RABEP1: variants seen among roughly 807,000 people sequenced by gnomAD.
RABEP1 encodes rab GTPase-binding effector protein 1.
RABEP1 carries 51 observed loss-of-function variants against 123.4 expected under a neutral mutation model. The ratio of observed to expected loss-of-function variants is 0.41; its 90% CI spans 0.33 to 0.52. RABEP1 has a LOEUF of 0.52. Among genes scored for constraint, RABEP1 ranks in the 20% least tolerant of loss-of-function variants. RABEP1 has a pLI of 0.16. For missense variants in RABEP1, 888 were observed against 996.3 expected (o/e 0.89, Z 1.46); for synonymous variants, 347 against 355.2 (o/e 0.98, Z 0.26).
intron 2 of RABEP1, among the ~76,000 whole-genome samples, chr17:5,314,094 A>T (rs1375462348): frequency 6.6e-6 from 1 of 152,192 alleles, no homozygotes; most frequent in African/African-American, 2.4e-5. Context: ...GTTTTTCCCC[A>T]ATAGGTCCAG....
At position 5,304,041 on chromosome 17, in the gene RABEP1, A is replaced by T. The variant is rs539963220; in HGVS notation, c.35-4653A>T. On this transcript the variant is annotated intron_variant, in intron 1 of 17. Transcript: ENST00000537505. ...AAGAGCGAAATTCCATCTCAAAAAA[A>T]AAAAATAAATAAAAATTTATTATAT... 5.8e-4 allele frequency among the ~76,000 whole-genome samples: 79 copies of T among 135,168 alleles called. 2 individuals are homozygous for T. The highest frequency in any genetic ancestry group is 1.8e-3 in the African/African-American group (72 of 39,686). 88.7% of individuals were successfully genotyped at this position (135,168 alleles called of 152,430 possible). A position where few individuals can be genotyped will look rare whatever the true frequency, so the allele number is the denominator to read the frequency against.
At chr17:5,329,381 A>G (rs1320256351) in intron 2 of RABEP1, among the ~76,000 whole-genome samples, 1 of 152,044 alleles carries the variant, frequency 6.6e-6, no homozygotes, top group Non-Finnish European at 1.5e-5. Flanking sequence ...AAATACAAAA[A>G]TTAGCTGGGC....
intron 15 of RABEP1, 62 bp downstream of exon 15, chr17:5,378,294 A>G (rs775588056): frequency 2.2e-6 from 3 of 1,394,594 alleles, no homozygotes; most frequent in South Asian, 2.3e-5. Flanking sequence ...GACTCCTACT[A>G]TGCTGCACCC....
At position 5,345,575 on chromosome 17, in the gene RABEP1, C is replaced by T. The variant is rs557241869; in HGVS notation, c.649-1215C>T. ...ATACCACCATTTTAAATCTGCCATA[C>T]GGACTCTTTTACCATCAGCTGAATT... On this transcript the variant is annotated intron_variant, in intron 5 of 17. Coordinates refer to ENST00000537505, the MANE Select transcript of RABEP1 (RefSeq NM_004703.6). 4.6e-5 allele frequency among the ~76,000 whole-genome samples: 7 copies of T among 152,262 alleles called. No individual in the cohort carries two copies. In the South Asian group the frequency reaches 1.5e-3, roughly 32 times the overall value.
At chr17:5,292,715 C>T (rs2075044738) in intron 1 of RABEP1, among the ~76,000 whole-genome samples, 1 of 152,052 alleles carries the variant, frequency 6.6e-6, no homozygotes, top group African/African-American at 2.4e-5. Context: ...CAGGGTCTTG[C>T]TCTGTGGCTG....
At chr17:5,310,982 G>A (rs2075233773) in intron 2 of RABEP1, among the ~76,000 whole-genome samples, 1 of 151,848 alleles carries the variant, frequency 6.6e-6, no homozygotes, top group Admixed American at 6.6e-5. Flanking sequence ...GCTAATTTTT[G>A]TATTTCTAGT....
chr17:5,345,831 A>T (rs1908019741), intron 5 of RABEP1, among the ~76,000 whole-genome samples: 1 of 152,212 alleles, frequency 6.6e-6, no homozygotes, highest in African/African-American at 2.4e-5. Context: ...CATGAAAAGG[A>T]CCTTGAATGT....
intron 1 of RABEP1, among the ~76,000 whole-genome samples, chr17:5,288,159 A>G (rs2074997698): frequency 6.6e-6 from 1 of 152,036 alleles, no homozygotes; most frequent in African/African-American, 2.4e-5. Context: ...TTATTTGACC[A>G]ATATACAGAG....
Position 5,373,679 on chromosome 17 carries a change from G to A in RABEP1, c.2025+225G>A, listed in dbSNP as rs538150503. Among the ~76,000 whole-genome samples the A allele has an allele frequency of 2.6e-4, 35 of 133,200 alleles. No homozygotes were observed. The East Asian group carries it at 4.2e-3, about 16-fold the overall frequency. 87.4% of individuals were successfully genotyped at this position (133,200 alleles called of 152,430 possible). On this transcript the variant is annotated intron_variant, in intron 13 of 17. Transcript: ENST00000537505. The stretch of plus-strand genomic sequence containing the variant: ...CTCAAGTAGTAACTCCCTGTGACCC[G>A]ACTACACCAGCTAAACACACACACA...
At position 5,368,500 on chromosome 17, in the gene RABEP1, T is replaced by C. The variant is rs372230372; in HGVS notation, c.1884+32T>C. ...TTACATTTTAAGTAAATGACAACTA[T>C]GTTACTATATATTCCTTTTTTGTTC... is the stretch of plus-strand genomic sequence containing the variant. On this transcript the variant is annotated intron_variant, in intron 12 of 17. Coordinates refer to ENST00000537505, the MANE Select transcript of RABEP1 (RefSeq NM_004703.6). 1,588 of 1,450,082 alleles carry C rather than the reference T, an allele frequency of 1.1e-3. 38 individuals are homozygous for C. In the South Asian group the frequency reaches 0.017, roughly 16 times the overall value. 89.8% of individuals were successfully genotyped at this position (1,450,082 alleles called of 1,614,324 possible). A position where few individuals can be genotyped will look rare whatever the true frequency, so the allele number is the denominator to read the frequency against.
At chr17:5,289,333 C>A (rs1349121310) in intron 1 of RABEP1, among the ~76,000 whole-genome samples, 1 of 150,976 alleles carries the variant, frequency 6.6e-6, no homozygotes, top group Admixed American at 6.6e-5. Flanking sequence ...GTATGTGTTG[C>A]AAATTTTGGT....
intron 5 of RABEP1, among the ~76,000 whole-genome samples, chr17:5,342,494 C>G (rs1907700403): frequency 6.6e-6 from 1 of 151,852 alleles, no homozygotes; most frequent in African/African-American, 2.4e-5. Context: ...AAAAATTAGT[C>G]GAGCATGGTT....
chr17:5,365,301 CA>C, intron 11 of RABEP1, 63 bp downstream of exon 11: 4 of 1,109,218 alleles, frequency 3.6e-6, no homozygotes, highest in African/African-American at 1.6e-5. Flanking sequence ...ATGAAAGATT[CA>C]AAAAATATAG....
intron 14 of RABEP1, among the ~76,000 whole-genome samples, chr17:5,377,676 G>C (rs1417038867): frequency 1.3e-5 from 2 of 152,008 alleles, no homozygotes; most frequent in Admixed American, 1.3e-4. Flanking sequence ...ACAGGCATGT[G>C]TGCCAGCACA....
At chr17:5,360,633 A>G (rs1328420280) in intron 8 of RABEP1, among the ~76,000 whole-genome samples, 5 of 152,200 alleles carry the variant, frequency 3.3e-5, no homozygotes, top group African/African-American at 1.2e-4. Context: ...CTCATCCCCA[A>G]GATGTTAATC....
chr17:5,293,782 A>G (rs1319411800), intron 1 of RABEP1, among the ~76,000 whole-genome samples: 2 of 152,178 alleles, frequency 1.3e-5, no homozygotes, highest in Non-Finnish European at 1.5e-5. Flanking sequence ...TGACATTTTC[A>G]AAGATGTTCT....
chr17:5,333,316 C>G (rs1244306319), intron 3 of RABEP1, among the ~76,000 whole-genome samples: 1 of 152,018 alleles, frequency 6.6e-6, no homozygotes, highest in African/African-American at 2.4e-5. Context: ...GCGCCCGCCA[C>G]CACGCCCGGC....
intron 5 of RABEP1, among the ~76,000 whole-genome samples, chr17:5,344,998 G>A (rs1174085068): frequency 6.6e-6 from 1 of 151,998 alleles, no homozygotes; most frequent in African/African-American, 2.4e-5. Context: ...CAGGTAAAGT[G>A]TATGAGCTGT....
At chr17:5,352,103 T>A (rs1217217425) in intron 7 of RABEP1, among the ~76,000 whole-genome samples, 1 of 152,222 alleles carries the variant, frequency 6.6e-6, no homozygotes, top group Non-Finnish European at 1.5e-5. Flanking sequence ...AGATTTTGTT[T>A]TGCAAAGTTT....
Sources: gnomAD v4.1 joint callset for allele counts (sites outside exome capture counted in the v4.1 genomes callset) on GRCh38, gnomAD v4.1.1 for gene constraint, MANE v1.5 for transcripts, NCBI Gene and HGNC (gene_info 2026-07-23, HGNC 2026-07-21) for gene names.